Variants in NUPR1 observed in about 807,000 individuals in gnomAD.
NUPR1 encodes nuclear protein 1.
In NUPR1, 8 loss-of-function variants were observed where a neutral mutation model predicts 7.3. The ratio of observed to expected loss-of-function variants is 1.09; its 90% CI spans 0.64 to 1.97. The LOEUF (loss-of-function observed/expected upper bound fraction) is 1.97, where lower values mean the gene tolerates loss of function less well. Ranked by LOEUF, NUPR1 falls within the 30% of genes most tolerant of loss-of-function variation. NUPR1 has a pLI of 0.00. For synonymous variants in NUPR1, 39 were observed against 44.5 expected (o/e 0.88, Z 0.49); for missense variants, 96 against 111.7 (o/e 0.86, Z 0.63).
rs1406601108 is a variant in NUPR1, at chr16:28,535,544, C to CTTTCTTTCA, written c.*2138_*2139insTGAAAGAAA. The CTTTCTTTCA allele has an allele frequency of 1.7e-5, 1 of 58,122 alleles. No individual in the cohort carries two copies. The highest frequency in any genetic ancestry group is 6.0e-5 in the African/African-American group (1 of 16,694). The allele number at this position is 58,122 out of a possible 1,614,324, so 3.6% of individuals were successfully genotyped here. A position where few individuals can be genotyped will look rare whatever the true frequency, so the allele number is the denominator to read the frequency against. On this transcript the variant is annotated 3_prime_UTR_variant, in exon 3 of 3. Transcript: ENST00000324873. ...CTTTCTTTCTTTCTTTCTTTCTTTC[C>CTTTCTTTCA]TTCTTTCTTTCTTTCTTTCCTTCCT...
chr16:28,536,816 C>G lies in NUPR1; in HGVS notation c.*867G>C, dbSNP rs1271657479. 1.3e-5 allele frequency: 2 copies of G among 152,078 alleles called. No homozygotes were observed. The highest frequency in any genetic ancestry group is 2.9e-5 in the Non-Finnish European group (2 of 68,066). 9.4% of individuals were successfully genotyped at this position (152,078 alleles called of 1,614,324 possible). ...CAGCTGGGATTACAGGCACCTGCCA[C>G]CATGCTTGGCTAATTTTTGGTATTT... On this transcript the variant is annotated 3_prime_UTR_variant, in exon 3 of 3. Coordinates refer to ENST00000324873, the MANE Select transcript of NUPR1 (RefSeq NM_012385.3).
rs2151632541 is a variant in NUPR1, at chr16:28,533,386, GTTT to G, written c.*4294_*4296del. Reference sequence around the variant, plus strand: ...GGATTGCAAGTTAAGGAAAACTTTGGTTTTTGTTTTTTTGAGACAGGTCTCACT... The same window carrying G: ...GGATTGCAAGTTAAGGAAAACTTTGGTTGTTTTTTTGAGACAGGTCTCACT... On this transcript the variant is annotated 3_prime_UTR_variant, in exon 3 of 3. Transcript: ENST00000324873. The G allele has an allele frequency of 6.6e-6, 1 of 152,258 alleles. No homozygotes were observed. The allele number at this position is 152,258 out of a possible 1,614,324, so 9.4% of individuals were successfully genotyped here. A position where few individuals can be genotyped will look rare whatever the true frequency, so the allele number is the denominator to read the frequency against.
In NUPR1 at chr16:28,538,863, TG is replaced by T; in HGVS notation, c.44del (p.Pro15GlnfsTer53). 1 of 1,613,218 alleles carries T rather than the reference TG, an allele frequency of 6.2e-7. No individual in the cohort carries two copies. ...GGCTGGAGTCCTCGTCCTCCGGGCC[TG>T]GGGGCTGCTGGGGGGCGCTGGTTGC... The part of the protein sequence containing the change: ...PPATSAPQQP[P>X]GPEDEDSSLD... On this transcript the variant is annotated frameshift_variant, in exon 1 of 3. Coordinates refer to ENST00000324873, the MANE Select transcript of NUPR1 (RefSeq NM_012385.3). LOFTEE classifies it high-confidence loss of function.
At position 28,538,045 on chromosome 16, in the gene NUPR1, T is replaced by C. The variant is rs750899438; in HGVS notation, c.223A>G (p.Arg75Gly). Residue 75 changes from arginine to glycine, a missense_variant, in exon 2 of 3, where the codon AGG (arginine) becomes GGG (glycine). By Grantham distance (125) the Arg-to-Gly change is moderately radical. Transcript: ENST00000324873. ...CAGCGCCGTGCCCCTCGCTTCTTCC[T>C]CTCTGAATTCTGCAGCTTGGTCACC... is the stretch of plus-strand genomic sequence containing the variant. The part of the protein sequence containing the change: ...KLVTKLQNSE[R>G]KKRGARR The C allele has an allele frequency of 3.1e-6, 5 of 1,614,042 alleles. No homozygotes were observed. The highest frequency in any genetic ancestry group is 1.1e-5 in the South Asian group (1 of 91,082).
At position 28,538,777 on chromosome 16, in the gene NUPR1, A is replaced by T; in HGVS notation, c.112+19T>A. On this transcript the variant is annotated intron_variant, in intron 1 of 2. Coordinates refer to ENST00000324873, the MANE Select transcript of NUPR1 (RefSeq NM_012385.3). ...CGGGAGAGGAGGAAGGACCGTGGAG[A>T]TGGCTGAGTGGGCCTTACCGAGGTA... 3 of 1,581,814 alleles carry T rather than the reference A, an allele frequency of 1.9e-6. No homozygotes were observed. The highest frequency in any genetic ancestry group is 2.6e-6 in the Non-Finnish European group (3 of 1,154,054).
rs71140975 is a variant in NUPR1 at position 28,535,571 on chromosome 16, C to CCTTCCTTCCTTTCTTTCTTT, written c.*2111_*2112insAAAGAAAGAAAGGAAGGAAG. On this transcript the variant is annotated 3_prime_UTR_variant, in exon 3 of 3. Transcript: ENST00000324873. ...TCTTTCTTTCTTTCTTTCCTTCCTT[C>CCTTCCTTCCTTTCTTTCTTT]CTTTCTTTCTTTCTTTCTTTCTTTC... The CCTTCCTTCCTTTCTTTCTTT allele has an allele frequency of 1.5e-3, 105 of 71,892 alleles. No individual in the cohort carries two copies. Among genetic ancestry groups the CCTTCCTTCCTTTCTTTCTTT allele is most frequent in the South Asian group, 2.1e-3 (4 of 1,896 alleles). 4.5% of individuals were successfully genotyped at this position (71,892 alleles called of 1,614,324 possible).
chr16:28,535,466 G>T lies in NUPR1; in HGVS notation c.*2217C>A, dbSNP rs1277871785. 6.6e-6 allele frequency: 1 copy of T among 151,576 alleles called. No individual in the cohort carries two copies. Among genetic ancestry groups the T allele is most frequent in the African/African-American group, 2.4e-5 (1 of 41,108 alleles). The allele number at this position is 151,576 out of a possible 1,614,324, so 9.4% of individuals were successfully genotyped here. A position where few individuals can be genotyped will look rare whatever the true frequency, so the allele number is the denominator to read the frequency against. On this transcript the variant is annotated 3_prime_UTR_variant, in exon 3 of 3. Coordinates refer to ENST00000324873, the MANE Select transcript of NUPR1 (RefSeq NM_012385.3). ...CCTGCCTTGGCCTCCCAAAGTGCTG[G>T]GATTACAGGTGTGAGCCACTGTGCC...
At chr16:28,538,372 G>A (rs2046641061) in intron 1 of NUPR1, among the ~76,000 whole-genome samples, 1 of 152,128 alleles carries the variant, frequency 6.6e-6, no homozygotes, top group Non-Finnish European at 1.5e-5. Flanking sequence ...GTGACGTGAG[G>A]GTCCAAGGAA....
At position 28,538,268 on chromosome 16, in the gene NUPR1, T is replaced by A; in HGVS notation, c.113-113A>T. The A allele has an allele frequency of 1.3e-6, 2 of 1,490,502 alleles. 1 individual carries two copies. The highest frequency in any genetic ancestry group is 4.5e-5 in the East Asian group (2 of 43,964). The allele number at this position is 1,490,502 out of a possible 1,614,324, so 92.3% of individuals were successfully genotyped here. A position where few individuals can be genotyped will look rare whatever the true frequency, so the allele number is the denominator to read the frequency against. ...GGGATGGGAAGAGCAGGGAGAAGCCTGCTGCTTCCCCTCTGTGGAATGTGG... is the reference window on the plus strand; with the variant it reads ...GGGATGGGAAGAGCAGGGAGAAGCCAGCTGCTTCCCCTCTGTGGAATGTGG... On this transcript the variant is annotated intron_variant, in intron 1 of 2. Coordinates refer to ENST00000324873, the MANE Select transcript of NUPR1 (RefSeq NM_012385.3).
intron 1 of NUPR1, 32 bp from the exon 2 acceptor site, chr16:28,538,187 GGGCATA>G: frequency 6.2e-7 from 1 of 1,613,862 alleles, no homozygotes; most frequent in South Asian, 1.1e-5. Flanking sequence ...GAGGTGAAGT[GGGCATA>G]GGCATGATGA....
At position 28,538,940 on chromosome 16, in the gene NUPR1, T is replaced by G. The variant is rs1205583486; in HGVS notation, c.-33A>C. The stretch of plus-strand genomic sequence containing the variant: ...GGCTTGTCTTCCCTGCCTCTCTTCT[T>G]CTCCTAACGCTTTGTCTGTCTCTGC... On this transcript the variant is annotated 5_prime_UTR_variant, in exon 1 of 3. Coordinates refer to ENST00000324873, the MANE Select transcript of NUPR1 (RefSeq NM_012385.3). The G allele has an allele frequency of 6.4e-7, 1 of 1,565,660 alleles. No homozygotes were observed. Among genetic ancestry groups the G allele is most frequent in the Non-Finnish European group, 8.8e-7 (1 of 1,141,476 alleles).
chr16:28,538,131 G>C lies in NUPR1; in HGVS notation c.137C>G (p.Thr46Ser), dbSNP rs1455086743. 1 of 1,614,064 alleles carries C rather than the reference G, an allele frequency of 6.2e-7. No individual in the cohort carries two copies. Among genetic ancestry groups the C allele is most frequent in the Non-Finnish European group, 8.5e-7 (1 of 1,180,054 alleles). ...GGTGTTGGCAGCAGCTTCTCTCTTG[G>C]TGCGACCTTTCCGGCCTCCACCTCC... ...YLGGGGRKGR[T>S]KREAAANTNR... The change falls in exon 2 of 3, where the codon ACC (threonine) becomes AGC (serine). Residue 46 changes from threonine (T) to serine (S), a missense_variant. By Grantham distance (58) the Thr-to-Ser change is moderately conservative. Coordinates refer to ENST00000324873, the MANE Select transcript of NUPR1 (RefSeq NM_012385.3).
chr16:28,535,599 T>TCTTCCTTCCTTC lies in NUPR1; in HGVS notation c.*2083_*2084insGAAGGAAGGAAG, dbSNP rs1567277660. 6 of 47,282 alleles carry TCTTCCTTCCTTC rather than the reference T, an allele frequency of 1.3e-4. No individual in the cohort carries two copies. The highest frequency in any genetic ancestry group is 7.0e-4 in the African/African-American group (5 of 7,152). 2.9% of individuals were successfully genotyped at this position (47,282 alleles called of 1,614,324 possible). ...TTCTTTCTTTCTTTCTTTCTTTCTT[T>TCTTCCTTCCTTC]CTTTCTTTCTTTCTTTCTTTCTTCT... On this transcript the variant is annotated 3_prime_UTR_variant, in exon 3 of 3. Coordinates refer to ENST00000324873, the MANE Select transcript of NUPR1 (RefSeq NM_012385.3).
intron 1 of NUPR1, 92 bp from the exon 2 acceptor site, chr16:28,538,247 T>C: frequency 4.4e-6 from 7 of 1,584,894 alleles, no homozygotes; most frequent in Non-Finnish European, 6.0e-6. Flanking sequence ...GTTGTGGGGA[T>C]GGGAAGAGCA....
At position 28,535,544 on chromosome 16, in the gene NUPR1, C is replaced by CTTTCTTTCCTTCT. The variant is rs1406601108; in HGVS notation, c.*2138_*2139insAGAAGGAAAGAAA. On this transcript the variant is annotated 3_prime_UTR_variant, in exon 3 of 3. Transcript: ENST00000324873. The stretch of plus-strand genomic sequence containing the variant: ...CTTTCTTTCTTTCTTTCTTTCTTTC[C>CTTTCTTTCCTTCT]TTCTTTCTTTCTTTCTTTCCTTCCT... 2.1e-4 allele frequency: 12 copies of CTTTCTTTCCTTCT among 58,122 alleles called. No homozygotes were observed. Among genetic ancestry groups the CTTTCTTTCCTTCT allele is most frequent in the Admixed American group, 4.2e-4 (2 of 4,812 alleles). 3.6% of individuals were successfully genotyped at this position (58,122 alleles called of 1,614,324 possible). A position where few individuals can be genotyped will look rare whatever the true frequency, so the allele number is the denominator to read the frequency against.
intron 1 of NUPR1, chr16:28,538,378 A>T: frequency 1.6e-6 from 1 of 640,188 alleles, no homozygotes; most frequent in Non-Finnish European, 2.7e-6. Context: ...TGAGGGTCCA[A>T]GGAACAGGTT....
At chr16:28,538,193 A>G (rs1394868738) in intron 1 of NUPR1, 38 bp from the exon 2 acceptor site, 4 of 1,613,430 alleles carry the variant, frequency 2.5e-6, no homozygotes, top group Non-Finnish European at 3.4e-6. Context: ...AAGTGGGCAT[A>G]GGCATGATGA....
Position 28,538,915 on chromosome 16 carries a change from G to A in NUPR1, c.-8C>T. On this transcript the variant is annotated 5_prime_UTR_variant, in exon 1 of 3. Transcript: ENST00000324873. Reference sequence around the variant, plus strand: ...TGGTGGGAAGGTGGCCATCGTGCCTGGCTTGTCTTCCCTGCCTCTCTTCTT... The same window carrying A: ...TGGTGGGAAGGTGGCCATCGTGCCTAGCTTGTCTTCCCTGCCTCTCTTCTT... The A allele has an allele frequency of 6.2e-7, 1 of 1,609,726 alleles. No individual in the cohort carries two copies. The highest frequency in any genetic ancestry group is 8.5e-7 in the Non-Finnish European group (1 of 1,177,998).
rs1406601108 is a variant in NUPR1, at chr16:28,535,544, C to CTTTCTTTCTTTCTTTCTTTCTTTCT, written c.*2138_*2139insAGAAAGAAAGAAAGAAAGAAAGAAA. Reference sequence around the variant, plus strand: ...CTTTCTTTCTTTCTTTCTTTCTTTCCTTCTTTCTTTCTTTCTTTCCTTCCT... The same window carrying CTTTCTTTCTTTCTTTCTTTCTTTCT: ...CTTTCTTTCTTTCTTTCTTTCTTTCCTTTCTTTCTTTCTTTCTTTCTTTCTTTCTTTCTTTCTTTCTTTCCTTCCT... On this transcript the variant is annotated 3_prime_UTR_variant, in exon 3 of 3. Transcript: ENST00000324873. 2.6e-4 allele frequency: 15 copies of CTTTCTTTCTTTCTTTCTTTCTTTCT among 58,154 alleles called. No homozygotes were observed. Among genetic ancestry groups the CTTTCTTTCTTTCTTTCTTTCTTTCT allele is most frequent in the East Asian group, 6.0e-4 (1 of 1,660 alleles). The allele number at this position is 58,154 out of a possible 1,614,324, so 3.6% of individuals were successfully genotyped here. A position where few individuals can be genotyped will look rare whatever the true frequency, so the allele number is the denominator to read the frequency against.
Sources: gnomAD v4.1 joint callset for allele counts (sites outside exome capture counted in the v4.1 genomes callset) on GRCh38, gnomAD v4.1.1 for gene constraint, MANE v1.5 for transcripts, NCBI Gene and HGNC (gene_info 2026-07-23, HGNC 2026-07-21) for gene names.